The following LMTK3 variants were observed in gnomAD, a reference collection of about 807,000 sequenced individuals.
The protein encoded by LMTK3 is lemur tail kinase 3.
LMTK3 carries 27 observed loss-of-function variants against 116.7 expected under a neutral mutation model. The observed-to-expected ratio is 0.23, with a 90% CI of 0.17 to 0.32. LMTK3 has a LOEUF of 0.32. LMTK3 is among the 10% of genes least tolerant of loss of function. LMTK3 has a pLI of 1.00. For synonymous variants in LMTK3, 965 were observed against 971.0 expected, an observed-to-expected ratio of 0.99 and a Z score of 0.11; for missense variants, 1,764 against 2,068.5, an observed-to-expected ratio of 0.85 and a Z score of 2.86.
At chr19:48,487,961 G>C (rs1017198130) in intron 14 of LMTK3, among the ~76,000 whole-genome samples, 2 of 152,158 alleles carry the variant, frequency 1.3e-5, no homozygotes, top group African/African-American at 4.8e-5. Context: ...GGGCAGAGGA[G>C]AGGACCCGCC....
intron 14 of LMTK3, among the ~76,000 whole-genome samples, chr19:48,488,738 CTT>C (rs35544294): frequency 0.085 from 9,617 of 112,948 alleles, 753 homozygotes; most frequent in African/African-American, 0.24. Flanking sequence ...TTAAATTACA[CTT>C]TTTTTTTTTT....
At position 48,498,285 on chromosome 19, in the gene LMTK3, C is replaced by G. The variant is rs779113531; in HGVS notation, c.2784G>C (p.Val928=). 1.2e-6 allele frequency: 2 copies of G among 1,613,268 alleles called. No individual in the cohort carries two copies. The highest frequency in any genetic ancestry group is 1.7e-6 in the Non-Finnish European group (2 of 1,179,654). Residue 928 remains valine, a synonymous_variant, in exon 11 of 15, where the codon GTG becomes GTC. Transcript: ENST00000600059. The part of the protein sequence containing the change: ...SLSLPVNGVT[V]LENGDQRAPG... ...GGGCTCTCTGGTCCCCGTTCTCCAGCACTGTCACCCCGTTCACTGGGAGGC... is the reference window on the plus strand; with the variant it reads ...GGGCTCTCTGGTCCCCGTTCTCCAGGACTGTCACCCCGTTCACTGGGAGGC...
chr19:48,510,603 A>G lies in LMTK3; in HGVS notation c.77-11T>C. The G allele has an allele frequency of 6.5e-7, 1 of 1,544,036 alleles. No individual in the cohort carries two copies. The highest frequency in any genetic ancestry group is 1.2e-5 in the South Asian group (1 of 81,266). On this transcript the variant is annotated splice_polypyrimidine_tract_variant and intron_variant, in intron 1 of 14. Coordinates refer to ENST00000600059, the MANE Select transcript of LMTK3 (RefSeq NM_001388485.1). ...CCAGGGCGAATCCATCTGTGGGCACAGGGCTGGGCTGGGGTCCCAGCTTCA... is the reference window on the plus strand; with the variant it reads ...CCAGGGCGAATCCATCTGTGGGCACGGGGCTGGGCTGGGGTCCCAGCTTCA...
chr19:48,485,395 G>A lies in LMTK3; in HGVS notation c.*378C>T, dbSNP rs1466791299. The A allele has an allele frequency of 3.5e-5, 7 of 200,058 alleles. No individual in the cohort carries two copies. Among genetic ancestry groups the A allele is most frequent in the Non-Finnish European group, 3.1e-5 (3 of 98,054 alleles). The allele number at this position is 200,058 out of a possible 1,614,324, so 12.4% of individuals were successfully genotyped here. A position where few individuals can be genotyped will look rare whatever the true frequency, so the allele number is the denominator to read the frequency against. On this transcript the variant is annotated 3_prime_UTR_variant, in exon 15 of 15. Transcript: ENST00000600059. ...AGGGGAGACGCGAAATGGGGGGTCCGGGTCCCCGAAGCCTGCGGCCCCTGT... is the reference window on the plus strand; with the variant it reads ...AGGGGAGACGCGAAATGGGGGGTCCAGGTCCCCGAAGCCTGCGGCCCCTGT...
chr19:48,509,735 A>AT (rs1972626527), intron 3 of LMTK3, among the ~76,000 whole-genome samples: 1 of 151,954 alleles, frequency 6.6e-6, no homozygotes, highest in African/African-American at 2.4e-5. Flanking sequence ...CTATGATGTG[A>AT]TTTCAGCCTC....
chr19:48,497,510 C>T lies in LMTK3; in HGVS notation c.3559G>A (p.Gly1187Arg), dbSNP rs776138647. The change falls in exon 11 of 15, where the codon GGA (glycine) becomes AGA (arginine). Residue 1187 changes from glycine to arginine, a missense_variant. Physicochemically the swap from Gly to Arg is moderately radical, Grantham distance 125. This residue lies in a region of LMTK3 where 1,028 missense variants were observed against 1,050.6 expected (regional missense o/e 0.98). Transcript: ENST00000600059. This position sits in a 1 kb window ranked among gnomAD's most constrained non-coding sequence, Gnocchi z 5.7. ...CCGTCTCCGCTGAGTGCCGTGTCTC[C>T]GCCGGCCCTGCTGTCTGGGGCCCCG... Reference protein sequence around the residue: ...EPGAPDSRAGGDTALSGDGDP... With the variant: ...EPGAPDSRAGRDTALSGDGDP... 4 of 1,443,162 alleles carry T rather than the reference C, an allele frequency of 2.8e-6. No individual in the cohort carries two copies. Among genetic ancestry groups the T allele is most frequent in the African/African-American group, 1.5e-5 (1 of 67,334 alleles). 89.4% of individuals were successfully genotyped at this position (1,443,162 alleles called of 1,614,324 possible).
intron 5 of LMTK3, among the ~76,000 whole-genome samples, chr19:48,504,830 G>A (rs1308088387): frequency 6.6e-6 from 1 of 151,960 alleles, no homozygotes; most frequent in Non-Finnish European, 1.5e-5. Context: ...TTACAGGCAT[G>A]AGCCACCGTG....
Position 48,499,932 on chromosome 19 carries a change from G to A in LMTK3, c.1152-15C>T, listed in dbSNP as rs1312941498. 1.3e-5 allele frequency: 21 copies of A among 1,573,050 alleles called. No homozygotes were observed. The highest frequency in any genetic ancestry group is 1.8e-5 in the Non-Finnish European group (21 of 1,161,736). ...GAATGTCATACCTGGGGAGAGGTGG[G>A]GCAGAGTGAGCAGGGCAGAGACCCA... On this transcript the variant is annotated splice_polypyrimidine_tract_variant and intron_variant, in intron 10 of 14. Transcript: ENST00000600059.
At chr19:48,489,046 A>T (rs1388824474) in intron 14 of LMTK3, among the ~76,000 whole-genome samples, 1 of 152,000 alleles carries the variant, frequency 6.6e-6, no homozygotes, top group Non-Finnish European at 1.5e-5. Context: ...GCCTTAAATG[A>T]CACTTCTAAG....
rs1295178932 is a variant in LMTK3, at chr19:48,499,585, G to T, written c.1484C>A (p.Pro495His). The T allele has an allele frequency of 1.2e-5, 18 of 1,533,408 alleles. No homozygotes were observed. The highest frequency in any genetic ancestry group is 1.4e-5 in the Non-Finnish European group (16 of 1,141,132). 95.0% of individuals were successfully genotyped at this position (1,533,408 alleles called of 1,614,324 possible). The change falls in exon 11 of 15, where the codon CCT becomes CAT. Residue 495 changes from proline to histidine, a missense_variant. Pro to His is a moderately conservative substitution (Grantham distance 77). Transcript: ENST00000600059. ...GGGGGCCGACGCCGGCTGCCAGGCAGGTGCCCCCCCACCCCGGCCGGCCCC... is the reference window on the plus strand; with the variant it reads ...GGGGGCCGACGCCGGCTGCCAGGCATGTGCCCCCCCACCCCGGCCGGCCCC... ...RRGAGRGGGA[P>H]AWQPASAPPA...
intron 5 of LMTK3, 61 bp from the exon 6 acceptor site, chr19:48,503,057 A>G (rs1251645787): frequency 2.0e-6 from 2 of 1,013,450 alleles, no homozygotes; most frequent in Non-Finnish European, 1.5e-6. Context: ...TCCTGCCCCA[A>G]CCCCCAGCAG....
intron 14 of LMTK3, among the ~76,000 whole-genome samples, chr19:48,489,222 C>A (rs528272067): frequency 6.6e-6 from 1 of 152,122 alleles, no homozygotes; most frequent in Admixed American, 6.5e-5. Context: ...GGCGCCTGCA[C>A]GCAGAAGATG....
At chr19:48,505,083 C>T (rs1469862329) in intron 5 of LMTK3, among the ~76,000 whole-genome samples, 6 of 97,830 alleles carry the variant, frequency 6.1e-5, no homozygotes, top group South Asian at 3.5e-4. Flanking sequence ...CTGACAGTTT[C>T]TCTCTCTCTC....
At chr19:48,495,423 A>G (rs1292078126) in intron 11 of LMTK3, among the ~76,000 whole-genome samples, 1 of 152,184 alleles carries the variant, frequency 6.6e-6, no homozygotes, top group East Asian at 1.9e-4. Flanking sequence ...AAGGATGAGT[A>G]GTTCACTTGG....
At position 48,500,929 on chromosome 19, in the gene LMTK3, G is replaced by A. The variant is rs2147549202; in HGVS notation, c.1151+67C>T. ...GGATGTGGGTGATGTGGGAAACGAG[G>A]GGGGATGCTGGGACCATCCTGGGTG... On this transcript the variant is annotated intron_variant, in intron 10 of 14. Transcript: ENST00000600059. The surrounding 1 kb of genome is among the most constrained non-coding windows in gnomAD (Gnocchi z 4.0). The A allele has an allele frequency of 7.1e-7, 1 of 1,408,100 alleles. No individual in the cohort carries two copies. Among genetic ancestry groups the A allele is most frequent in the East Asian group, 2.5e-5 (1 of 39,434 alleles). 87.2% of individuals were successfully genotyped at this position (1,408,100 alleles called of 1,614,324 possible).
chr19:48,504,210 A>G (rs1972524605), intron 5 of LMTK3, among the ~76,000 whole-genome samples: 1 of 152,100 alleles, frequency 6.6e-6, no homozygotes. Flanking sequence ...TCCTCTCATC[A>G]GAGTTCTCTT....
chr19:48,509,396 G>T, intron 4 of LMTK3, 41 bp downstream of exon 4: 1 of 1,529,068 alleles, frequency 6.5e-7, no homozygotes, highest in Non-Finnish European at 8.9e-7. Flanking sequence ...AGGACAGCTC[G>T]GGATCCATGG....
In LMTK3 at chr19:48,499,191, G is replaced by C. The variant is rs1391615130; in HGVS notation, c.1878C>G (p.Ala626=). 2.7e-6 allele frequency: 4 copies of C among 1,458,714 alleles called. No homozygotes were observed. Among genetic ancestry groups the C allele is most frequent in the South Asian group, 1.4e-5 (1 of 72,614 alleles). 90.4% of individuals were successfully genotyped at this position (1,458,714 alleles called of 1,614,324 possible). The change falls in exon 11 of 15, where the codon GCC becomes GCG. Residue 626 remains alanine (A), a synonymous_variant. Transcript: ENST00000600059. ...CGGTCCCCCGCTCCCCCAAGACCTCGGCAGGGTCTCCCGCCAGGGTCTCCC... is the reference window on the plus strand; with the variant it reads ...CGGTCCCCCGCTCCCCCAAGACCTCCGCAGGGTCTCCCGCCAGGGTCTCCC... ...GAGETLAGDP[A]EVLGERGTAP...
intron 11 of LMTK3, among the ~76,000 whole-genome samples, chr19:48,495,112 C>T (rs762190684): frequency 6.6e-5 from 10 of 151,814 alleles, no homozygotes; most frequent in African/African-American, 2.4e-4. Flanking sequence ...TGAGTTCAAG[C>T]GATTCTCCTG....
Sources: gnomAD v4.1 joint callset for allele counts (sites outside exome capture counted in the v4.1 genomes callset) on GRCh38, gnomAD v4.1.1 for gene constraint, gnomAD v4.1.1 regional missense constraint, Gnocchi (gnomAD v3.1) non-coding constraint, MANE v1.5 for transcripts, NCBI Gene and HGNC (gene_info 2026-07-23, HGNC 2026-07-21) for gene names.